CNTNAP4: variants seen among roughly 807,000 people sequenced by gnomAD.
The protein encoded by CNTNAP4 is contactin associated protein family member 4.
In CNTNAP4, 98 loss-of-function variants were observed where a neutral mutation model predicts 148.4. That is an observed-to-expected ratio of 0.66 (90% CI 0.56 to 0.78). The LOEUF is 0.78. CNTNAP4 is among the 30% of genes least tolerant of loss of function. The probability of loss-of-function intolerance (pLI) is 0.00; values close to 1 mark genes in which losing one functional copy is unlikely to be tolerated. For synonymous variants in CNTNAP4, 730 were observed against 565.1 expected (o/e 1.29, Z -4.14); for missense variants, 1,935 against 1,565.6 (o/e 1.24, Z -3.98).
intron 2 of CNTNAP4, among the ~76,000 whole-genome samples, chr16:76,340,339 C>T (rs904995660): frequency 1.3e-5 from 2 of 152,182 alleles, no homozygotes; most frequent in African/African-American, 4.8e-5. Context: ...CCAAGGAGAG[C>T]TGTCCCTGTA....
chr16:76,453,901 GAAAT>G (rs1250339845), intron 8 of CNTNAP4, among the ~76,000 whole-genome samples: 7 of 151,956 alleles, frequency 4.6e-5, no homozygotes, highest in Non-Finnish European at 1.0e-4. Flanking sequence ...TAGACAAAAA[GAAAT>G]AAATTAATGA....
chr16:76,370,059 C>G (rs748928230), intron 3 of CNTNAP4, among the ~76,000 whole-genome samples: 2 of 152,134 alleles, frequency 1.3e-5, no homozygotes, highest in African/African-American at 4.8e-5. Context: ...TACACCTTTA[C>G]CTAGTCATGT....
intron 1 of CNTNAP4, among the ~76,000 whole-genome samples, chr16:76,301,470 C>T (rs539959176): frequency 6.6e-6 from 1 of 152,160 alleles, no homozygotes; most frequent in South Asian, 2.1e-4. Context: ...AGGCATGGTA[C>T]ATAACATCTA....
chr16:76,502,132 CTT>C (rs2082674904), intron 15 of CNTNAP4, among the ~76,000 whole-genome samples: 1 of 151,962 alleles, frequency 6.6e-6, no homozygotes, highest in African/African-American at 2.4e-5. Context: ...TAATCTCTGA[CTT>C]ATTAATTAAA....
chr16:76,364,233 CAAAAA>C (rs58589609), intron 3 of CNTNAP4, among the ~76,000 whole-genome samples: 5 of 48,180 alleles, frequency 1.0e-4, no homozygotes, highest in African/African-American at 1.6e-4. Context: ...GATTCCATCT[CAAAAA>C]AAAAAAAAAA....
At chr16:76,519,398 A>G (rs1479901313) in intron 15 of CNTNAP4, among the ~76,000 whole-genome samples, 2 of 152,188 alleles carry the variant, frequency 1.3e-5, no homozygotes, top group Non-Finnish European at 2.9e-5. Context: ...TGAGTTAGTT[A>G]TGATATAATA....
intron 3 of CNTNAP4, among the ~76,000 whole-genome samples, chr16:76,381,803 G>C (rs2015993942): frequency 6.6e-6 from 1 of 152,196 alleles, no homozygotes; most frequent in Non-Finnish European, 1.5e-5. Context: ...GCTCACGCCT[G>C]TAATCCCAGG....
intron 1 of CNTNAP4, among the ~76,000 whole-genome samples, chr16:76,278,103 T>C (rs969043948): frequency 1.3e-5 from 2 of 152,224 alleles, no homozygotes. Flanking sequence ...TACTGAATTT[T>C]ATTGGAATTA....
At chr16:76,525,799 A>G (rs2083705407) in intron 17 of CNTNAP4, among the ~76,000 whole-genome samples, 1 of 147,718 alleles carries the variant, frequency 6.8e-6, no homozygotes, top group African/African-American at 2.4e-5. Context: ...TAGTTAAACT[A>G]GTTTATAGTT....
chr16:76,461,770 C>A (rs2080971254), intron 8 of CNTNAP4, among the ~76,000 whole-genome samples, 186 bp from the exon 9 acceptor site: 1 of 152,094 alleles, frequency 6.6e-6, no homozygotes, highest in Non-Finnish European at 1.5e-5. Flanking sequence ...TTTGGAATGC[C>A]CCATTTTCCA....
chr16:76,462,866 T>C (rs374966882), intron 9 of CNTNAP4, among the ~76,000 whole-genome samples: 40 of 152,364 alleles, frequency 2.6e-4, no homozygotes, highest in African/African-American at 9.1e-4. Flanking sequence ...TTGTCATCGT[T>C]ATGTTACATT....
At chr16:76,510,463 T>G (rs1403955444) in intron 15 of CNTNAP4, among the ~76,000 whole-genome samples, 5 of 116,380 alleles carry the variant, frequency 4.3e-5, no homozygotes, top group African/African-American at 7.6e-5. Flanking sequence ...TGGACATCCA[T>G]GTATGCTTTT....
intron 2 of CNTNAP4, among the ~76,000 whole-genome samples, chr16:76,347,063 C>T (rs1346963567): frequency 6.6e-6 from 1 of 151,632 alleles, no homozygotes; most frequent in Non-Finnish European, 1.5e-5. Context: ...TCAAAAATTC[C>T]AAAACAAAGC....
chr16:76,513,358 A>G (rs1221621018), intron 15 of CNTNAP4, among the ~76,000 whole-genome samples: 1 of 152,104 alleles, frequency 6.6e-6, no homozygotes, highest in Non-Finnish European at 1.5e-5. Context: ...TGGGACAGTG[A>G]AGGCATGAAG....
intron 15 of CNTNAP4, among the ~76,000 whole-genome samples, chr16:76,512,302 T>C (rs1208660457): frequency 6.6e-6 from 1 of 152,048 alleles, no homozygotes; most frequent in Admixed American, 6.6e-5. Context: ...TGAGATTAAA[T>C]AGGGAAAGCT....
At chr16:76,433,211 C>G (rs140132291) in intron 4 of CNTNAP4, among the ~76,000 whole-genome samples, 7 of 152,158 alleles carry the variant, frequency 4.6e-5, no homozygotes, top group Non-Finnish European at 7.4e-5. Context: ...TGGGGGCAAG[C>G]TTAGTAAGCC....
At chr16:76,398,942 G>GT (rs1269734138) in intron 3 of CNTNAP4, among the ~76,000 whole-genome samples, 1 of 151,968 alleles carries the variant, frequency 6.6e-6, no homozygotes, top group African/African-American at 2.4e-5. Context: ...GTCAAGGGGG[G>GT]GTCCAGGTGG....
rs755705690 is a variant in CNTNAP4 at position 76,427,450 on chromosome 16, A to G, written c.391-2A>G. On this transcript the variant is annotated splice_acceptor_variant, in intron 3 of 23. Transcript: ENST00000611870. LOFTEE classifies it high-confidence loss of function. Reference sequence around the variant, plus strand: ...GATGTGCTTCTTTCCCTTTTCTTTTAGGGTTTTTCAGGAAATGCAAATGCA... The same window carrying G: ...GATGTGCTTCTTTCCCTTTTCTTTTGGGGTTTTTCAGGAAATGCAAATGCA... 6.2e-7 allele frequency: 1 copy of G among 1,601,412 alleles called. No individual in the cohort carries two copies. The highest frequency in any genetic ancestry group is 1.7e-5 in the Admixed American group (1 of 57,148).
intron 3 of CNTNAP4, among the ~76,000 whole-genome samples, chr16:76,408,002 A>G (rs1425627329): frequency 1.3e-5 from 2 of 152,148 alleles, no homozygotes; most frequent in Non-Finnish European, 2.9e-5. Flanking sequence ...ATATCGAGGC[A>G]AGAACCTCTA....
Sources: gnomAD v4.1 joint callset for allele counts (sites outside exome capture counted in the v4.1 genomes callset) on GRCh38, gnomAD v4.1.1 for gene constraint, MANE v1.5 for transcripts, NCBI Gene and HGNC (gene_info 2026-07-23, HGNC 2026-07-21) for gene names.